Variants in HTR6 observed in about 807,000 individuals in gnomAD.
HTR6 encodes the protein 5-hydroxytryptamine receptor 6, also known as 5-hydroxytryptamine (serotonin) receptor 6, G protein-coupled.
A neutral mutation model predicts 17.4 loss-of-function variants in HTR6; 15 were observed. The ratio of observed to expected loss-of-function variants is 0.86; its 90% CI spans 0.58 to 1.33. The LOEUF (loss-of-function observed/expected upper bound fraction) is 1.33, where lower values mean the gene tolerates loss of function less well. Ranked by LOEUF, HTR6 falls within the 40% of genes most tolerant of loss-of-function variation. The pLI is 0.00. For synonymous variants in HTR6, 326 were observed against 295.5 expected (o/e 1.10, Z -1.06); for missense variants, 578 against 616.0 (o/e 0.94, Z 0.65).
Position 19,679,395 on chromosome 1 carries a change from A to AG in HTR6, c.*28dup. 1 of 1,536,538 alleles carries AG rather than the reference A, an allele frequency of 6.5e-7. No individual in the cohort carries two copies. Among genetic ancestry groups the AG allele is most frequent in the South Asian group, 1.3e-5 (1 of 79,502 alleles). ...CCGGGCTTGGGGCTGGCCAATGGGG[A>AG]GCTGGATTGAGCAGAACCCAGACCC... is the stretch of plus-strand genomic sequence containing the variant. On this transcript the variant is annotated 3_prime_UTR_variant, in exon 3 of 3. Coordinates refer to ENST00000289753, the MANE Select transcript of HTR6 (RefSeq NM_000871.3). This position sits in a 1 kb window ranked among gnomAD's most constrained non-coding sequence, Gnocchi z 4.9.
chr1:19,669,238 C>T (rs980966199), intron 1 of HTR6, among the ~76,000 whole-genome samples: 2 of 152,150 alleles, frequency 1.3e-5, no homozygotes, highest in East Asian at 1.9e-4. Flanking sequence ...CCATGAATCT[C>T]GCTGGCTGGT....
chr1:19,669,550 T>C (rs78177427), intron 1 of HTR6, among the ~76,000 whole-genome samples: 9,990 of 152,164 alleles, frequency 0.066, 1,076 homozygotes, highest in African/African-American at 0.23. Flanking sequence ...GCAGTGATGC[T>C]CTTGAAATGC....
In HTR6 at chr1:19,680,511, G is replaced by T. The variant is rs549082758; in HGVS notation, c.*1143G>T. Among the ~76,000 whole-genome samples the T allele has an allele frequency of 6.6e-6, 1 of 152,294 alleles. No homozygotes were observed. Among genetic ancestry groups the T allele is most frequent in the South Asian group, 2.1e-4 (1 of 4,824 alleles). On this transcript the variant is annotated 3_prime_UTR_variant, in exon 3 of 3. Coordinates refer to ENST00000289753, the MANE Select transcript of HTR6 (RefSeq NM_000871.3). ...GAACTGGTTTTCCTCAATCCTGGGGGGTCCTTGGACCTAGAAGGGAACAAC... is the reference window on the plus strand; with the variant it reads ...GAACTGGTTTTCCTCAATCCTGGGGTGTCCTTGGACCTAGAAGGGAACAAC...
rs2095100256 is a variant in HTR6 at position 19,680,253 on chromosome 1, G to A, written c.*885G>A. 2.0e-5 allele frequency among the ~76,000 whole-genome samples: 3 copies of A among 152,160 alleles called. No homozygotes were observed. The South Asian group carries it at 6.2e-4, about 31-fold the overall frequency. ...CGACCCCCGGCTATCCAGCCCCCTG[G>A]CCTCTCCGGCTGTGTGTCAGGAAGG... On this transcript the variant is annotated 3_prime_UTR_variant, in exon 3 of 3. Transcript: ENST00000289753.
chr1:19,679,359 C>A lies in HTR6; in HGVS notation c.1314C>A (p.Pro438=). 1 of 1,589,508 alleles carries A rather than the reference C, an allele frequency of 6.3e-7. No homozygotes were observed. ...PELRPHPLGI[P]TN ...TGCGGCCGCATCCACTTGGCATCCC[C>A]ACGAACTGACCCGGGCTTGGGGCTG... Residue 438 remains proline, a synonymous_variant, in exon 3 of 3, where the codon CCC becomes CCA. Transcript: ENST00000289753. This position sits in a 1 kb window ranked among gnomAD's most constrained non-coding sequence, Gnocchi z 4.9.
Position 19,665,890 on chromosome 1 carries a change from T to G in HTR6, c.137T>G (p.Leu46Arg). ...VIALTAAANS[L>R]LIALICTQPA... Reference sequence around the variant, plus strand: ...GCGCTGACGGCGGCGGCCAACTCGCTGCTGATCGCGCTCATCTGCACTCAG... The same window carrying G: ...GCGCTGACGGCGGCGGCCAACTCGCGGCTGATCGCGCTCATCTGCACTCAG... Residue 46 changes from leucine (L) to arginine (R), a missense_variant, in exon 1 of 3, where the codon CTG becomes CGG. Physicochemically the swap from Leu to Arg is moderately radical, Grantham distance 102. Transcript: ENST00000289753. The surrounding 1 kb of genome is among the most constrained non-coding windows in gnomAD (Gnocchi z 4.2). The G allele has an allele frequency of 6.2e-7, 1 of 1,610,208 alleles. No homozygotes were observed. The highest frequency in any genetic ancestry group is 8.5e-7 in the Non-Finnish European group (1 of 1,178,734).
At chr1:19,678,203 G>A (rs2095096697) in intron 1 of HTR6, among the ~76,000 whole-genome samples, 2 of 152,198 alleles carry the variant, frequency 1.3e-5, no homozygotes, top group Admixed American at 1.3e-4. Flanking sequence ...ACTTCCTAGA[G>A]CTCCTTATGA....
intron 1 of HTR6, among the ~76,000 whole-genome samples, chr1:19,669,811 T>C (rs1477904521): frequency 2.0e-5 from 3 of 152,194 alleles, no homozygotes; most frequent in African/African-American, 7.2e-5. Flanking sequence ...AATTTTTGTA[T>C]TTTTAGTAGA....
In HTR6 at chr1:19,666,206, G is replaced by A. The variant is rs199795418; in HGVS notation, c.453G>A (p.Trp151Ter). 1 of 1,609,532 alleles carries A rather than the reference G, an allele frequency of 6.2e-7. No homozygotes were observed. Among genetic ancestry groups the A allele is most frequent in the Non-Finnish European group, 8.5e-7 (1 of 1,179,726 alleles). ...LRALALVLGA[W>*]SLAALASFLP... ...CCCTGGCCCTAGTCCTGGGCGCCTG[G>A]AGCCTCGCCGCTCTCGCCTCCTTCC... Residue 151 changes from tryptophan (W) to a stop codon, truncating the protein, a stop_gained, in exon 1 of 3, where the codon TGG (tryptophan) becomes TGA (stop). Transcript: ENST00000289753. LOFTEE classifies it high-confidence loss of function. This position sits in a 1 kb window ranked among gnomAD's most constrained non-coding sequence, Gnocchi z 4.5.
intron 2 of HTR6, 35 bp from the exon 3 acceptor site, chr1:19,678,884 C>T: frequency 1.3e-6 from 2 of 1,566,868 alleles, no homozygotes; most frequent in Non-Finnish European, 8.7e-7. Flanking sequence ...GGGTCCCTGC[C>T]CTGGGACCAG....
At chr1:19,673,893 G>T (rs1430609990) in intron 1 of HTR6, among the ~76,000 whole-genome samples, 2 of 141,826 alleles carry the variant, frequency 1.4e-5, no homozygotes, top group Non-Finnish European at 1.5e-5. Flanking sequence ...TTAGGACAGA[G>T]TGTCACTCTG....
chr1:19,672,401 TTCC>T (rs200380142), intron 1 of HTR6, among the ~76,000 whole-genome samples: 58,552 of 151,408 alleles, frequency 0.39, 13,503 homozygotes, highest in Non-Finnish European at 0.52. Flanking sequence ...ATCTCTGTCT[TTCC>T]TCCTCCTCAG....
chr1:19,670,067 T>A (rs2095086291), intron 1 of HTR6, among the ~76,000 whole-genome samples: 1 of 152,192 alleles, frequency 6.6e-6, no homozygotes, highest in South Asian at 2.1e-4. Context: ...CCTGGCCCTC[T>A]GACCCTATCT....
At position 19,666,004 on chromosome 1, in the gene HTR6, T is replaced by C; in HGVS notation, c.251T>C (p.Met84Thr). Residue 84 changes from methionine (M) to threonine (T), a missense_variant, in exon 1 of 3, where the codon ATG becomes ACG. By Grantham distance (81) the Met-to-Thr change is moderately conservative. Coordinates refer to ENST00000289753, the MANE Select transcript of HTR6 (RefSeq NM_000871.3). The surrounding 1 kb of genome is among the most constrained non-coding windows in gnomAD (Gnocchi z 4.5). The stretch of plus-strand genomic sequence containing the variant: ...GGGCTGGTGGTGATGCCGCCGGCCA[T>C]GCTGAACGCGCTGTACGGGCGCTGG... Reference protein sequence around the residue: ...MVGLVVMPPAMLNALYGRWVL... With the variant: ...MVGLVVMPPATLNALYGRWVL... 2.5e-6 allele frequency: 4 copies of C among 1,613,932 alleles called. No homozygotes were observed. The highest frequency in any genetic ancestry group is 1.3e-5 in the African/African-American group (1 of 75,068).
In HTR6 at chr1:19,679,407, C is replaced by G; in HGVS notation, c.*39C>G. ...CTGGCCAATGGGGAGCTGGATTGAG[C>G]AGAACCCAGACCCTGAGTCCTTGGG... On this transcript the variant is annotated 3_prime_UTR_variant, in exon 3 of 3. Transcript: ENST00000289753. The surrounding 1 kb of genome is among the most constrained non-coding windows in gnomAD (Gnocchi z 4.9). 2 of 1,518,458 alleles carry G rather than the reference C, an allele frequency of 1.3e-6. No individual in the cohort carries two copies. The highest frequency in any genetic ancestry group is 1.8e-6 in the Non-Finnish European group (2 of 1,130,440). 94.1% of individuals were successfully genotyped at this position (1,518,458 alleles called of 1,614,324 possible).
At chr1:19,678,006 C>T (rs1557430269) in intron 1 of HTR6, among the ~76,000 whole-genome samples, 1 of 152,202 alleles carries the variant, frequency 6.6e-6, no homozygotes, top group Non-Finnish European at 1.5e-5. Context: ...TCCCAAAGTG[C>T]TGGGATTACA....
chr1:19,679,058 C>G lies in HTR6; in HGVS notation c.1013C>G (p.Pro338Arg). 6.2e-7 allele frequency: 1 copy of G among 1,614,094 alleles called. No homozygotes were observed. The highest frequency in any genetic ancestry group is 8.5e-7 in the Non-Finnish European group (1 of 1,179,968). ...GCGCTGGGCAGGTTCCTGCCATGTC[C>G]ACGCTGTCCCCGGGAGCGCCAGGCC... ...KRALGRFLPCPRCPRERQASL... is the reference protein window; with the variant it reads ...KRALGRFLPCRRCPRERQASL... The change falls in exon 3 of 3, where the codon CCA becomes CGA. Residue 338 changes from proline (P) to arginine (R), a missense_variant. Coordinates refer to ENST00000289753, the MANE Select transcript of HTR6 (RefSeq NM_000871.3). This position sits in a 1 kb window ranked among gnomAD's most constrained non-coding sequence, Gnocchi z 4.9.
At chr1:19,676,594 A>G (rs777097627) in intron 1 of HTR6, among the ~76,000 whole-genome samples, 8 of 152,174 alleles carry the variant, frequency 5.3e-5, no homozygotes, top group Non-Finnish European at 1.0e-4. Flanking sequence ...TTTCAGCACC[A>G]TGGACAAGAC....
rs1288231187 is a variant in HTR6, at chr1:19,665,722, T to C, written c.-32T>C. ...GCCCTCATCTGCTTTCCCGCCACCC[T>C]ATCACTCCCTTGCCGTCCACCCTCG... On this transcript the variant is annotated 5_prime_UTR_variant, in exon 1 of 3. Transcript: ENST00000289753. The surrounding 1 kb of genome is among the most constrained non-coding windows in gnomAD (Gnocchi z 4.2). 2 of 1,374,822 alleles carry C rather than the reference T, an allele frequency of 1.5e-6. No individual in the cohort carries two copies. The highest frequency in any genetic ancestry group is 2.6e-5 in the East Asian group (1 of 38,666). The allele number at this position is 1,374,822 out of a possible 1,614,324, so 85.2% of individuals were successfully genotyped here.
Sources: gnomAD v4.1 joint callset for allele counts (sites outside exome capture counted in the v4.1 genomes callset) on GRCh38, gnomAD v4.1.1 for gene constraint, Gnocchi (gnomAD v3.1) non-coding constraint, MANE v1.5 for transcripts, NCBI Gene and HGNC (gene_info 2026-07-23, HGNC 2026-07-21) for gene names.